The following PCSK5 variants were observed in gnomAD, a reference collection of about 807,000 sequenced individuals.
PCSK5 encodes the protein prohormone convertase 5.
A neutral mutation model predicts 233.2 loss-of-function variants in PCSK5; 129 were observed. The observed-to-expected ratio is 0.55, with a 90% confidence interval of 0.48 to 0.64. The LOEUF (loss-of-function observed/expected upper bound fraction) is 0.64. PCSK5 is among the 30% of genes least tolerant of loss of function. The probability of loss-of-function intolerance (pLI) is 0.00; values close to 1 mark genes in which losing one functional copy is unlikely to be tolerated. For missense variants in PCSK5, 2,076 were observed against 2,430.1 expected, an observed-to-expected ratio of 0.85 and a Z score of 3.06; for synonymous variants, 825 against 879.2, an observed-to-expected ratio of 0.94 and a Z score of 1.09.
chr9:76,310,961 C>G, intron 30 of PCSK5, 110 bp downstream of exon 30: 2 of 721,118 alleles, frequency 2.8e-6, no homozygotes, highest in Non-Finnish European at 2.2e-6. Context: ...TACGAGCACC[C>G]ACATAAATGT....
intron 13 of PCSK5, among the ~76,000 whole-genome samples, chr9:76,173,743 C>T (rs909310091): frequency 5.9e-5 from 9 of 151,644 alleles, no homozygotes; most frequent in East Asian, 3.9e-4. Flanking sequence ...GAGGCTAAGG[C>T]GGGTGGATCA....
chr9:76,242,685 C>T (rs1826467458), intron 24 of PCSK5, among the ~76,000 whole-genome samples: 3 of 152,170 alleles, frequency 2.0e-5, no homozygotes, highest in Admixed American at 6.6e-5. Context: ...ACTGTTTGCC[C>T]ATTTCAGATG....
intron 20 of PCSK5, 41 bp from the exon 21 acceptor site, chr9:76,227,462 C>A: frequency 7.1e-7 from 1 of 1,404,356 alleles, no homozygotes. Flanking sequence ...GGCAGGCTTG[C>A]CATGTAGAAA....
At chr9:76,232,999 T>C (rs1024757633) in intron 21 of PCSK5, among the ~76,000 whole-genome samples, 2 of 152,348 alleles carry the variant, frequency 1.3e-5, no homozygotes, top group African/African-American at 4.8e-5. Flanking sequence ...AAGCAGTGTT[T>C]TGTTTCACTC....
intron 7 of PCSK5, among the ~76,000 whole-genome samples, chr9:76,074,310 A>T (rs1251551957): frequency 6.6e-6 from 1 of 152,200 alleles, no homozygotes; most frequent in African/African-American, 2.4e-5. Flanking sequence ...GAGATACCAT[A>T]ATTAATTCAA....
intron 3 of PCSK5, among the ~76,000 whole-genome samples, chr9:76,015,558 T>C (rs1827913904): frequency 6.6e-6 from 1 of 152,164 alleles, no homozygotes; most frequent in Admixed American, 6.5e-5. Context: ...AAAACACATA[T>C]ATAACCAAAG....
chr9:75,933,791 A>G (rs62555891), intron 2 of PCSK5, among the ~76,000 whole-genome samples: 29,545 of 152,066 alleles, frequency 0.19, 3,106 homozygotes, highest in African/African-American at 0.27. Flanking sequence ...AAGGCAGTCC[A>G]TTTGGGACAT....
At chr9:76,215,859 A>G (rs1825508199) in intron 20 of PCSK5, among the ~76,000 whole-genome samples, 1 of 152,108 alleles carries the variant, frequency 6.6e-6, no homozygotes, top group African/African-American at 2.4e-5. Flanking sequence ...GAATTGCTTG[A>G]ACCTGGGAAG....
chr9:76,058,124 ACAGATATTGCAAC>A (rs1282728004), intron 5 of PCSK5, among the ~76,000 whole-genome samples: 1 of 152,206 alleles, frequency 6.6e-6, no homozygotes, highest in Non-Finnish European at 1.5e-5. Context: ...TGCAAGGATT[ACAGATATTGCAAC>A]CATGCCCGAC....
intron 24 of PCSK5, among the ~76,000 whole-genome samples, chr9:76,241,377 G>A (rs1826426872): frequency 6.6e-6 from 1 of 152,236 alleles, no homozygotes; most frequent in Non-Finnish European, 1.5e-5. Context: ...AGGAGTCAGA[G>A]GTTGCAGTGA....
intron 8 of PCSK5, among the ~76,000 whole-genome samples, 178 bp downstream of exon 8, chr9:76,096,280 A>G (rs941431259): frequency 6.6e-5 from 10 of 152,194 alleles, no homozygotes; most frequent in Non-Finnish European, 1.3e-4. Context: ...AACATTACCA[A>G]TTGAAAATGC....
intron 34 of PCSK5, 113 bp downstream of exon 34, chr9:76,332,723 C>A: frequency 1.3e-6 from 1 of 788,766 alleles, no homozygotes; most frequent in Non-Finnish European, 2.0e-6. Flanking sequence ...AGGTTGAAGT[C>A]TCAGTGCTAG....
intron 1 of PCSK5, among the ~76,000 whole-genome samples, chr9:75,920,322 T>C (rs1823196017): frequency 6.6e-6 from 1 of 151,814 alleles, no homozygotes; most frequent in African/African-American, 2.4e-5. Flanking sequence ...GAGGTGGGGG[T>C]CTCTATCACC....
At chr9:76,345,313 G>T (rs2131509018) in intron 35 of PCSK5, among the ~76,000 whole-genome samples, 1 of 152,132 alleles carries the variant, frequency 6.6e-6, no homozygotes, top group South Asian at 2.1e-4. Context: ...GCTCACCGCA[G>T]TTTCCGCCTG....
chr9:76,273,759 A>T (rs1056071559), intron 24 of PCSK5, among the ~76,000 whole-genome samples: 4 of 150,952 alleles, frequency 2.6e-5, no homozygotes, highest in Non-Finnish European at 4.4e-5. Flanking sequence ...CAGTCCCCCA[A>T]GTAGCTGGGA....
intron 5 of PCSK5, among the ~76,000 whole-genome samples, chr9:76,028,460 T>C (rs1013565595): frequency 6.6e-6 from 1 of 152,158 alleles, no homozygotes; most frequent in African/African-American, 2.4e-5. Context: ...GGAGTGCTGA[T>C]TGGTCAGGCT....
chr9:75,989,947 A>C (rs911921979), intron 3 of PCSK5, among the ~76,000 whole-genome samples: 11 of 152,104 alleles, frequency 7.2e-5, no homozygotes, highest in African/African-American at 2.7e-4. Flanking sequence ...AATTAAATGA[A>C]ATTTTTAATG....
intron 9 of PCSK5, among the ~76,000 whole-genome samples, chr9:76,122,879 G>A (rs1379181602): frequency 6.9e-6 from 1 of 144,302 alleles, no homozygotes; most frequent in Non-Finnish European, 1.5e-5. Flanking sequence ...TGCCCAGGAT[G>A]GAGTGTAGTG....
intron 34 of PCSK5, among the ~76,000 whole-genome samples, chr9:76,335,515 G>A (rs1829655064): frequency 6.6e-6 from 1 of 152,142 alleles, no homozygotes; most frequent in Non-Finnish European, 1.5e-5. Flanking sequence ...GTTTAACTCA[G>A]AGAAGTTTCT....
Sources: gnomAD v4.1 joint callset for allele counts (sites outside exome capture counted in the v4.1 genomes callset) on GRCh38, gnomAD v4.1.1 for gene constraint, MANE v1.5 for transcripts, NCBI Gene and HGNC (gene_info 2026-07-23, HGNC 2026-07-21) for gene names.